Variants in RNF213 observed in about 807,000 individuals in gnomAD.
RNF213 encodes the protein E3 ubiquitin-protein ligase RNF213.
In RNF213, 341 loss-of-function variants were observed where a neutral mutation model predicts 514.4. The observed-to-expected ratio is 0.66, with a 90% CI of 0.61 to 0.73. The LOEUF (loss-of-function observed/expected upper bound fraction) is 0.73. RNF213 is among the 30% of genes least tolerant of loss of function. The pLI is 0.00. For synonymous variants in RNF213, 2,655 were observed against 2,658.2 expected (o/e 1.00, Z 0.04); for missense variants, 5,767 against 6,615.6 (o/e 0.87, Z 4.45).
At position 80,347,489 on chromosome 17, in the gene RNF213, C is replaced by T. The variant is rs564259370; in HGVS notation, c.9154C>T (p.Leu3052=). 9.3e-6 allele frequency: 15 copies of T among 1,614,118 alleles called. No homozygotes were observed. Among genetic ancestry groups the T allele is most frequent in the Admixed American group, 5.0e-5 (3 of 60,030 alleles). ...CGTGCTGACCAAAAACTACGTGGCACTGCAGATCCTGCAGCAGACATTCTT... is the reference window on the plus strand; with the variant it reads ...CGTGCTGACCAAAAACTACGTGGCATTGCAGATCCTGCAGCAGACATTCTT... ...LLVLTKNYVA[L]QILQQTFFEG... The change falls in exon 29 of 68, where the codon CTG becomes TTG. Residue 3052 remains leucine (L), a synonymous_variant. Coordinates refer to ENST00000582970, the MANE Select transcript of RNF213 (RefSeq NM_001256071.3). The surrounding 1 kb of genome is among the most constrained non-coding windows in gnomAD (Gnocchi z 7.2).
rs1257450044 is a variant in RNF213 at position 80,340,304 on chromosome 17, G to A, written c.5937G>A (p.Val1979=). ...VPKQTLSAAA[V]FNDRLCVGIV... is the part of the protein sequence containing the mutation. ...AGCAGACCCTGTCGGCGGCAGCCGTGTTCAATGACCGGCTGTGTGTTGGGA... is the reference window on the plus strand; with the variant it reads ...AGCAGACCCTGTCGGCGGCAGCCGTATTCAATGACCGGCTGTGTGTTGGGA... The change falls in exon 26 of 68, where the codon GTG becomes GTA. Residue 1979 remains valine (V), a synonymous_variant. Coordinates refer to ENST00000582970, the MANE Select transcript of RNF213 (RefSeq NM_001256071.3). The A allele has an allele frequency of 6.2e-7, 1 of 1,613,798 alleles. No homozygotes were observed. The highest frequency in any genetic ancestry group is 8.5e-7 in the Non-Finnish European group (1 of 1,179,980).
intron 3 of RNF213, among the ~76,000 whole-genome samples, chr17:80,287,075 ACCAGG>A (rs1367022015): frequency 6.6e-6 from 1 of 152,130 alleles, no homozygotes. Context: ...AATGTTCAAA[ACCAGG>A]CCAGGCACGG....
rs760716218 is a variant in RNF213 at position 80,376,359 on chromosome 17, T to G, written c.13244T>G (p.Ile4415Ser). The change falls in exon 52 of 68, where the codon ATC becomes AGC. Residue 4415 changes from isoleucine (I) to serine (S), a missense_variant. This residue lies in a region of RNF213 where 1,245 missense variants were observed against 1,339.0 expected (regional missense o/e 0.93). Transcript: ENST00000582970. Reference sequence around the variant, plus strand: ...TGCAAGATCCTTTCACCTCCTGATATCAGCCGTTTTGCAACATCGCTCGTG... The same window carrying G: ...TGCAAGATCCTTTCACCTCCTGATAGCAGCCGTTTTGCAACATCGCTCGTG... ...GECKILSPPD[I>S]SRFATSLVDN... The G allele has an allele frequency of 6.2e-7, 1 of 1,614,222 alleles. No individual in the cohort carries two copies. The highest frequency in any genetic ancestry group is 8.5e-7 in the Non-Finnish European group (1 of 1,180,022).
intron 52 of RNF213, 40 bp downstream of exon 52, chr17:80,376,583 A>C: frequency 1.2e-6 from 2 of 1,612,552 alleles, no homozygotes; most frequent in Non-Finnish European, 1.7e-6. Flanking sequence ...TCACTGGAAC[A>C]CCCCCCAGAG....
intron 67 of RNF213, among the ~76,000 whole-genome samples, chr17:80,391,775 T>TC (rs1484281848): frequency 7.4e-4 from 101 of 135,584 alleles, no homozygotes; most frequent in African/African-American, 1.3e-3. Context: ...TTTTTTTTTT[T>TC]TTTTTTTTTT....
At chr17:80,304,026 G>C (rs1240305942) in intron 11 of RNF213, among the ~76,000 whole-genome samples, 1 of 150,732 alleles carries the variant, frequency 6.6e-6, no homozygotes, top group East Asian at 1.9e-4. Context: ...TATTTACCTA[G>C]AAAGGCTAGA....
At position 80,353,912 on chromosome 17, in the gene RNF213, G is replaced by T; in HGVS notation, c.10579-107G>T. 2.1e-6 allele frequency: 3 copies of T among 1,450,570 alleles called. No individual in the cohort carries two copies. Among genetic ancestry groups the T allele is most frequent in the Non-Finnish European group, 2.9e-6 (3 of 1,046,496 alleles). 89.9% of individuals were successfully genotyped at this position (1,450,570 alleles called of 1,614,324 possible). A position where few individuals can be genotyped will look rare whatever the true frequency, so the allele number is the denominator to read the frequency against. On this transcript the variant is annotated intron_variant, in intron 34 of 67. Coordinates refer to ENST00000582970, the MANE Select transcript of RNF213 (RefSeq NM_001256071.3). This position sits in a 1 kb window ranked among gnomAD's most constrained non-coding sequence, Gnocchi z 5.0. ...CTCTTCTTTGTCCGTGAGGACCGCCGCCCTGTGCTGTTTGCTGCATTGAGA... is the reference window on the plus strand; with the variant it reads ...CTCTTCTTTGTCCGTGAGGACCGCCTCCCTGTGCTGTTTGCTGCATTGAGA...
chr17:80,352,357 C>G (rs2078554761), intron 32 of RNF213: 1 of 241,656 alleles, frequency 4.1e-6, no homozygotes, highest in Non-Finnish European at 8.1e-6. Flanking sequence ...AGGCAAGCTC[C>G]TCACCTCTTA....
chr17:80,319,499 G>A, intron 17 of RNF213, 187 bp downstream of exon 17: 3 of 1,613,848 alleles, frequency 1.9e-6, no homozygotes, highest in Non-Finnish European at 2.5e-6. Flanking sequence ...GGATTCCTCA[G>A]TGTGCTGCAC....
chr17:80,374,515 T>C lies in RNF213; in HGVS notation c.13000T>C (p.Tyr4334His). Residue 4334 changes from tyrosine to histidine, a missense_variant, in exon 50 of 68, where the codon TAC becomes CAC. By Grantham distance (83) the Tyr-to-His change is moderately conservative. Coordinates refer to ENST00000582970, the MANE Select transcript of RNF213 (RefSeq NM_001256071.3). ...TAGGTACCTGGTGTACGGCGATGAATACAAGGCTCTCCGTGATGCTGTGGC... is the reference window on the plus strand; with the variant it reads ...TAGGTACCTGGTGTACGGCGATGAACACAAGGCTCTCCGTGATGCTGTGGC... ...MDRYLVYGDEYKALRDAVAKA... is the reference protein window; with the variant it reads ...MDRYLVYGDEHKALRDAVAKA... The C allele has an allele frequency of 6.2e-7, 1 of 1,614,182 alleles. No individual in the cohort carries two copies. Among genetic ancestry groups the C allele is most frequent in the Non-Finnish European group, 8.5e-7 (1 of 1,180,016 alleles).
Position 80,395,232 on chromosome 17 carries a change from G to T in RNF213, c.*1734G>T, listed in dbSNP as rs1451702440. ...GTTTGTACAGAAATATACTGGCCTA[G>T]CAGAGGCAAAAAAAAAAAAAATGAA... On this transcript the variant is annotated 3_prime_UTR_variant, in exon 68 of 68. Coordinates refer to ENST00000582970, the MANE Select transcript of RNF213 (RefSeq NM_001256071.3). 7.0e-6 allele frequency: 1 copy of T among 141,926 alleles called. No homozygotes were observed. 8.8% of individuals were successfully genotyped at this position (141,926 alleles called of 1,614,324 possible). A position where few individuals can be genotyped will look rare whatever the true frequency, so the allele number is the denominator to read the frequency against.
intron 30 of RNF213, 21 bp downstream of exon 30, chr17:80,349,927 T>C (rs1568112504): frequency 1.9e-6 from 3 of 1,612,598 alleles, no homozygotes; most frequent in South Asian, 2.2e-5. Flanking sequence ...CTGCCTTCCC[T>C]GCTGCCCTCT....
At position 80,360,089 on chromosome 17, in the gene RNF213, G is replaced by A; in HGVS notation, c.11083G>A (p.Val3695Met). ...RHKGEMAYIV[V>M]QNHMNLSENA... The stretch of plus-strand genomic sequence containing the variant: ...TAAAGGTGAGATGGCCTACATCGTG[G>A]TGCAGAACCACATGAACCTTTCCGA... Residue 3695 changes from valine to methionine, a missense_variant, in exon 38 of 68, where the codon GTG becomes ATG. Val to Met is a conservative substitution (Grantham distance 21, BLOSUM62 1). Transcript: ENST00000582970. The A allele has an allele frequency of 6.2e-7, 1 of 1,614,146 alleles. No individual in the cohort carries two copies. The highest frequency in any genetic ancestry group is 8.5e-7 in the Non-Finnish European group (1 of 1,180,038).
intron 3 of RNF213, among the ~76,000 whole-genome samples, chr17:80,280,273 C>T (rs1459142116): frequency 1.3e-5 from 2 of 152,126 alleles, no homozygotes; most frequent in Non-Finnish European, 2.9e-5. Context: ...ATAGGCCATG[C>T]GAGGAGAAGA....
chr17:80,353,383 C>A lies in RNF213; in HGVS notation c.10424-129C>A. 1.8e-6 allele frequency: 2 copies of A among 1,084,740 alleles called. No homozygotes were observed. Among genetic ancestry groups the A allele is most frequent in the Non-Finnish European group, 2.7e-6 (2 of 729,474 alleles). 67.2% of individuals were successfully genotyped at this position (1,084,740 alleles called of 1,614,324 possible). A position where few individuals can be genotyped will look rare whatever the true frequency, so the allele number is the denominator to read the frequency against. ...TGACCGTGATCTCTCATCTGGGGAC[C>A]TAGCACCACAGCAGGGGCCGGGGAA... is the stretch of plus-strand genomic sequence containing the variant. On this transcript the variant is annotated intron_variant, in intron 33 of 67. Coordinates refer to ENST00000582970, the MANE Select transcript of RNF213 (RefSeq NM_001256071.3). This position sits in a 1 kb window ranked among gnomAD's most constrained non-coding sequence, Gnocchi z 5.0.
intron 32 of RNF213, 183 bp from the exon 33 acceptor site, chr17:80,352,757 C>A: frequency 1.2e-6 from 1 of 832,522 alleles, no homozygotes; most frequent in South Asian, 1.4e-5. Flanking sequence ...AGAATCGGGT[C>A]GTGTATAGTA....
At chr17:80,329,754 C>T (rs148626399) in intron 20 of RNF213, among the ~76,000 whole-genome samples, 2 of 152,168 alleles carry the variant, frequency 1.3e-5, no homozygotes, top group African/African-American at 2.4e-5. Flanking sequence ...TCACTTGAGC[C>T]TGGGAAGTCG....
rs1257450044 is a variant in RNF213 at position 80,340,304 on chromosome 17, G to C, written c.5937G>C (p.Val1979=). 3.7e-6 allele frequency: 6 copies of C among 1,613,680 alleles called. No homozygotes were observed. In the African/African-American group the frequency reaches 6.7e-5, roughly 18 times the overall value. ...VPKQTLSAAA[V]FNDRLCVGIV... Reference sequence around the variant, plus strand: ...AGCAGACCCTGTCGGCGGCAGCCGTGTTCAATGACCGGCTGTGTGTTGGGA... The same window carrying C: ...AGCAGACCCTGTCGGCGGCAGCCGTCTTCAATGACCGGCTGTGTGTTGGGA... The change falls in exon 26 of 68, where the codon GTG becomes GTC. Residue 1979 remains valine, a synonymous_variant. Transcript: ENST00000582970.
intron 8 of RNF213, chr17:80,292,116 AGTCT>A (rs2044752140): frequency 2.2e-6 from 1 of 460,664 alleles, no homozygotes; most frequent in Admixed American, 3.3e-5. Context: ...TCTGAGACAG[AGTCT>A]GTCGCTCAGG....
Sources: allele counts gnomAD v4.1 joint callset (sites outside exome capture counted in the v4.1 genomes callset), GRCh38; gene constraint gnomAD v4.1.1; regional missense constraint gnomAD v4.1.1; non-coding constraint Gnocchi (gnomAD v3.1); transcripts MANE v1.5; gene names NCBI Gene and HGNC (gene_info 2026-07-23, HGNC 2026-07-21).